The following NPIPB2 variants were observed in gnomAD, a reference collection of about 807,000 sequenced individuals.
The protein encoded by NPIPB2 is nuclear pore complex-interacting protein family member B2.
Under a neutral mutation model 30.8 loss-of-function variants are expected in NPIPB2, and 27 were observed. The ratio of observed to expected loss-of-function variants is 0.88; its 90% CI spans 0.65 to 1.21. NPIPB2 has a LOEUF of 1.21. Ranked by LOEUF, NPIPB2 falls within the 50% of genes most tolerant of loss-of-function variation. The pLI is 0.00. For synonymous variants in NPIPB2, 147 were observed against 162.0 expected (o/e 0.91, Z 0.70); for missense variants, 440 against 446.2 (o/e 0.99, Z 0.13).
chr16:11,964,967 A>G (rs928175809), intron 1 of NPIPB2: 1 of 335,852 alleles, frequency 3.0e-6, no homozygotes. Flanking sequence ...AGAAACTGTT[A>G]CTGAACATTC....
chr16:11,958,113 C>G (rs1453476114), intron 1 of NPIPB2, among the ~76,000 whole-genome samples: 1 of 152,122 alleles, frequency 6.6e-6, no homozygotes, highest in Non-Finnish European at 1.5e-5. Context: ...GACTACTTAA[C>G]TTGTGGGGCC....
intron 1 of NPIPB2, among the ~76,000 whole-genome samples, chr16:11,966,585 G>C (rs2055196012): frequency 6.6e-6 from 1 of 152,092 alleles, no homozygotes; most frequent in Non-Finnish European, 1.5e-5. Flanking sequence ...TTACTCTATT[G>C]AAAGTACTAA....
upstream of NPIPB2, among the ~76,000 whole-genome samples, chr16:11,942,671 C>T (rs2054955701): frequency 1.3e-5 from 2 of 151,968 alleles, no homozygotes; most frequent in African/African-American, 4.8e-5. Flanking sequence ...AGCTTCTCTC[C>T]TAAGGTATTT....
intron 4 of NPIPB2, among the ~76,000 whole-genome samples, chr16:11,931,809 A>G (rs1435256296): frequency 1.3e-5 from 2 of 151,882 alleles, no homozygotes; most frequent in Non-Finnish European, 2.9e-5. Context: ...GAATACATCA[A>G]ATTGCTAACA....
intron 1 of NPIPB2, among the ~76,000 whole-genome samples, chr16:11,952,203 C>G (rs1230464720): frequency 2.7e-5 from 4 of 147,606 alleles, no homozygotes; most frequent in African/African-American, 1.0e-4. Flanking sequence ...AAAAAATTAG[C>G]TGGGTGTGGT....
chr16:11,965,967 TG>T (rs2055190054), intron 1 of NPIPB2, among the ~76,000 whole-genome samples: 1 of 151,934 alleles, frequency 6.6e-6, no homozygotes, highest in African/African-American at 2.4e-5. Flanking sequence ...AAAAATTAGC[TG>T]GGCATGGTGG....
At chr16:11,927,447 C>T (rs1205215183) in exon 8 of NPIPB2, 19 of 1,083,752 alleles carry the variant, frequency 1.8e-5, no homozygotes, top group African/African-American at 1.3e-4. Context: ...GATGGTTCCA[C>T]CTCAGCGGCC....
intron 1 of NPIPB2, among the ~76,000 whole-genome samples, chr16:11,951,478 G>GAA (rs879288708): frequency 8.1e-6 from 1 of 122,878 alleles, no homozygotes; most frequent in South Asian, 2.3e-4. Context: ...AAAAAAAAAA[G>GAA]AAAGAAAAGA....
intron 1 of NPIPB2, among the ~76,000 whole-genome samples, chr16:11,972,767 G>C (rs1424511997): frequency 1.3e-5 from 2 of 152,050 alleles, no homozygotes; most frequent in Admixed American, 1.3e-4. Flanking sequence ...GGGAGGCTGA[G>C]GCAGGAGAAT....
chr16:11,956,740 C>T (rs892527112), intron 1 of NPIPB2, among the ~76,000 whole-genome samples: 4 of 152,202 alleles, frequency 2.6e-5, no homozygotes, highest in African/African-American at 4.8e-5. Flanking sequence ...TGACTGAGAA[C>T]CAGATGCTCA....
chr16:11,960,569 G>T (rs1052030292), intron 1 of NPIPB2, among the ~76,000 whole-genome samples: 1 of 151,832 alleles, frequency 6.6e-6, no homozygotes, highest in Admixed American at 6.6e-5. Flanking sequence ...TGTTGGCCAG[G>T]CTGGTCTCAA....
chr16:11,927,544 C>G (rs757965858), exon 8 of NPIPB2: 19 of 1,603,158 alleles, frequency 1.2e-5, no homozygotes, highest in African/African-American at 1.3e-5. Context: ...CAGCCGCTCT[C>G]CACCTCTTGG....
chr16:11,975,156 T>TTTTTTTTC (rs2055268072), intron 1 of NPIPB2, among the ~76,000 whole-genome samples: 2 of 73,536 alleles, frequency 2.7e-5, no homozygotes, highest in South Asian at 1.2e-3. Context: ...TTTTTTTTTT[T>TTTTTTTTC]TTTTTTTTTG....
exon 8 of NPIPB2, chr16:11,927,597 G>T: frequency 6.3e-7 from 1 of 1,586,986 alleles, no homozygotes; most frequent in Non-Finnish European, 8.6e-7. Flanking sequence ...GTAGCTAAGG[G>T]AGGTGTCTTG....
At chr16:11,943,388 T>C (rs1259888204), upstream of NPIPB2, among the ~76,000 whole-genome samples, 1 of 151,608 alleles carries the variant, frequency 6.6e-6, no homozygotes, top group Non-Finnish European at 1.5e-5. Flanking sequence ...TCAATTCTAT[T>C]TGTATGCTGC....
At chr16:11,956,039 AGGCAGGAAATTGCC>A (rs1383695934) in intron 1 of NPIPB2, 2 of 152,184 alleles carry the variant, frequency 1.3e-5, no homozygotes, top group African/African-American at 4.8e-5. Flanking sequence ...TTCCAAAGGC[AGGCAGGAAATTGCC>A]GCCAGTCATT....
chr16:11,968,032 T>C (rs1328252930), intron 1 of NPIPB2: 6 of 646,018 alleles, frequency 9.3e-6, no homozygotes, highest in African/African-American at 1.9e-5. Context: ...TGGTAGAAAC[T>C]TCCTTGGTTT....
chr16:11,947,414 G>A (rs1226034365), intron 1 of NPIPB2, among the ~76,000 whole-genome samples: 4 of 149,640 alleles, frequency 2.7e-5, no homozygotes, highest in Admixed American at 2.0e-4. Context: ...GCGCGATCTC[G>A]GCTCACTGCA....
intron 1 of NPIPB2, among the ~76,000 whole-genome samples, chr16:11,950,922 C>A (rs1210296517): frequency 1.3e-5 from 2 of 152,106 alleles, no homozygotes; most frequent in East Asian, 1.9e-4. Context: ...GATGGCTTGG[C>A]TAACACTCTT....
Sources: allele counts gnomAD v4.1 joint callset (sites outside exome capture counted in the v4.1 genomes callset), GRCh38; gene constraint gnomAD v4.1.1; transcripts MANE v1.5; gene names NCBI Gene and HGNC (gene_info 2026-07-23, HGNC 2026-07-21).